The following STXBP5 variants were observed in gnomAD, a reference collection of about 807,000 sequenced individuals.
STXBP5 encodes the protein syntaxin binding protein 5.
STXBP5 carries 50 observed loss-of-function variants against 152.4 expected under a neutral mutation model. The observed-to-expected ratio is 0.33, with a 90% CI of 0.26 to 0.42. The LOEUF is 0.42. Among genes scored for constraint, STXBP5 ranks in the 10% least tolerant of loss-of-function variants. The probability of loss-of-function intolerance (pLI) is 1.00; values close to 1 mark genes in which losing one functional copy is unlikely to be tolerated. For missense variants in STXBP5, 1,167 were observed against 1,388.6 expected (o/e 0.84, Z 2.54); for synonymous variants, 492 against 494.7 (o/e 0.99, Z 0.07).
Position 147,385,068 on chromosome 6 carries a change from C to T in STXBP5, c.*313C>T, listed in dbSNP as rs2128424905. 9.5e-6 allele frequency: 3 copies of T among 316,492 alleles called. No individual in the cohort carries two copies. The highest frequency in any genetic ancestry group is 1.7e-5 in the Non-Finnish European group (3 of 172,752). The allele number at this position is 316,492 out of a possible 1,614,324, so 19.6% of individuals were successfully genotyped here. On this transcript the variant is annotated 3_prime_UTR_variant, in exon 28 of 28. Coordinates refer to ENST00000321680, the MANE Select transcript of STXBP5 (RefSeq NM_001127715.4). ...GTGCAGGGACTAATCCTGGATCATT[C>T]CTGTATTAAACTTTCATATGCCAAA...
At position 147,254,622 on chromosome 6, in the gene STXBP5, G is replaced by A. The variant is rs117703821; in HGVS notation, c.432-5993G>A. 0.02 allele frequency among the ~76,000 whole-genome samples: 3,080 copies of A among 152,184 alleles called. 213 individuals carry two copies. In the East Asian group the frequency reaches 0.27, roughly 13 times the overall value. ...GAAAAAAACAACCCCATCAAAAAGT[G>A]GGCAAACTTCTCAAATGAAGACATT... is the stretch of plus-strand genomic sequence containing the variant. On this transcript the variant is annotated intron_variant, in intron 4 of 27. Transcript: ENST00000321680.
intron 4 of STXBP5, among the ~76,000 whole-genome samples, chr6:147,240,641 G>T (rs541239908): frequency 1.2e-4 from 18 of 152,150 alleles, no homozygotes; most frequent in Admixed American, 2.0e-4. Flanking sequence ...GGTGGAAGAA[G>T]AGAATGTGAG....
chr6:147,246,898 A>T (rs903657578), intron 4 of STXBP5, among the ~76,000 whole-genome samples: 1 of 152,198 alleles, frequency 6.6e-6, no homozygotes, highest in Non-Finnish European at 1.5e-5. Context: ...AATGTACTGT[A>T]GCAATGAGTT....
chr6:147,260,477 C>G (rs1410943209), intron 4 of STXBP5, 138 bp from the exon 5 acceptor site: 1 of 936,016 alleles, frequency 1.1e-6, no homozygotes, highest in African/African-American at 1.7e-5. Flanking sequence ...AAATATTAGT[C>G]ACAATGAATA....
chr6:147,243,588 G>T (rs1281139192), intron 4 of STXBP5, among the ~76,000 whole-genome samples: 1 of 151,878 alleles, frequency 6.6e-6, no homozygotes, highest in Non-Finnish European at 1.5e-5. Context: ...ATTAAGTTTA[G>T]CTTATTAATT....
At chr6:147,338,321 T>C (rs1401081073) in intron 19 of STXBP5, among the ~76,000 whole-genome samples, 4 of 151,928 alleles carry the variant, frequency 2.6e-5, no homozygotes, top group African/African-American at 7.2e-5. Context: ...GAGAAATATA[T>C]AGATAAAACA....
intron 26 of STXBP5, among the ~76,000 whole-genome samples, chr6:147,380,085 A>G (rs9390462): frequency 0.61 from 92,650 of 151,198 alleles, 28,764 homozygotes; most frequent in African/African-American, 0.72. Flanking sequence ...AACACAATTC[A>G]TATCAAAATC....
chr6:147,309,531 C>T (rs1782262584), intron 9 of STXBP5, among the ~76,000 whole-genome samples: 1 of 152,042 alleles, frequency 6.6e-6, no homozygotes, highest in Admixed American at 6.6e-5. Context: ...ATCAGGCTGG[C>T]AACTGATAAA....
intron 26 of STXBP5, among the ~76,000 whole-genome samples, chr6:147,375,773 CAA>C (rs1258268700): frequency 1.3e-5 from 2 of 151,616 alleles, no homozygotes; most frequent in African/African-American, 4.8e-5. Flanking sequence ...ACACCAGAGA[CAA>C]AGAGAAAATC....
chr6:147,359,044 T>TA (rs767033808), intron 22 of STXBP5, 40 bp from the exon 23 acceptor site: 1 of 1,592,514 alleles, frequency 6.3e-7, no homozygotes, highest in Non-Finnish European at 8.6e-7. Flanking sequence ...TAACTTCTTT[T>TA]ATAACTTGAG....
chr6:147,235,191 C>T (rs1308772275), intron 2 of STXBP5, 59 bp from the exon 3 acceptor site: 9 of 1,430,368 alleles, frequency 6.3e-6, no homozygotes, highest in Non-Finnish European at 8.9e-6. Flanking sequence ...TATTATATAA[C>T]TTACCAGTTT....
intron 21 of STXBP5, among the ~76,000 whole-genome samples, chr6:147,347,691 A>T (rs541498988): frequency 6.6e-6 from 1 of 152,192 alleles, no homozygotes; most frequent in African/African-American, 2.4e-5. Context: ...AAATATTTCA[A>T]CCTCTGAATG....
chr6:147,345,072 G>A (rs557371760), intron 21 of STXBP5, among the ~76,000 whole-genome samples: 13 of 152,214 alleles, frequency 8.5e-5, no homozygotes, highest in African/African-American at 3.1e-4. Context: ...ATTTTCAGAA[G>A]TCGTCTTTTT....
intron 25 of STXBP5, among the ~76,000 whole-genome samples, chr6:147,372,567 TG>T (rs1357407983): frequency 6.6e-6 from 1 of 151,204 alleles, no homozygotes; most frequent in African/African-American, 2.4e-5. Context: ...CCTAAGTAGC[TG>T]GGATTACAGG....
chr6:147,325,779 C>A (rs1783219635), intron 17 of STXBP5, among the ~76,000 whole-genome samples: 1 of 151,782 alleles, frequency 6.6e-6, no homozygotes, highest in South Asian at 2.1e-4. Flanking sequence ...CATTTTTTTT[C>A]TTGCTGGTAG....
intron 3 of STXBP5, among the ~76,000 whole-genome samples, chr6:147,237,708 A>G (rs1778349389): frequency 6.6e-6 from 1 of 152,162 alleles, no homozygotes; most frequent in African/African-American, 2.4e-5. Context: ...GCCCTCATAG[A>G]ATTTTGAAGG....
intron 9 of STXBP5, among the ~76,000 whole-genome samples, chr6:147,294,096 C>T (rs1781404068): frequency 1.3e-5 from 2 of 152,092 alleles, no homozygotes; most frequent in Non-Finnish European, 2.9e-5. Context: ...ATTTTAGTGG[C>T]AGTTTTATTA....
At chr6:147,345,733 AAAG>A (rs1454527576) in intron 21 of STXBP5, among the ~76,000 whole-genome samples, 2 of 152,316 alleles carry the variant, frequency 1.3e-5, no homozygotes, top group East Asian at 1.9e-4. Flanking sequence ...TGTTTAGAAA[AAAG>A]ATGTGGACAC....
In STXBP5 at chr6:147,353,378, G is replaced by A; in HGVS notation, c.2305+5G>A. On this transcript the variant is annotated splice_donor_5th_base_variant and intron_variant, in intron 22 of 27. Transcript: ENST00000321680. ...CTGACCTAAAGCCTGATTTAGGTAAGTAAAATAAATATTCAAAATAATTTA... is the reference window on the plus strand; with the variant it reads ...CTGACCTAAAGCCTGATTTAGGTAAATAAAATAAATATTCAAAATAATTTA... 6.4e-7 allele frequency: 1 copy of A among 1,555,962 alleles called. No homozygotes were observed. The highest frequency in any genetic ancestry group is 8.7e-7 in the Non-Finnish European group (1 of 1,149,016).
Sources: gnomAD v4.1 joint callset for allele counts (sites outside exome capture counted in the v4.1 genomes callset) on GRCh38, gnomAD v4.1.1 for gene constraint, MANE v1.5 for transcripts, NCBI Gene and HGNC (gene_info 2026-07-23, HGNC 2026-07-21) for gene names.